The following FRMPD1 variants were observed in gnomAD, a reference collection of about 807,000 sequenced individuals.
The protein encoded by FRMPD1 is FERM and PDZ domain-containing protein 1.
FRMPD1 carries 76 observed loss-of-function variants against 117.8 expected under a neutral mutation model. The observed-to-expected ratio is 0.65, with a 90% CI of 0.54 to 0.78. The LOEUF (loss-of-function observed/expected upper bound fraction) is 0.78. FRMPD1 is among the 30% of genes least tolerant of loss of function. The probability of loss-of-function intolerance (pLI) is 0.00; values close to 1 mark genes in which losing one functional copy is unlikely to be tolerated. For missense variants in FRMPD1, 1,786 were observed against 1,964.5 expected (o/e 0.91, Z 1.72); for synonymous variants, 783 against 770.4 (o/e 1.02, Z -0.27).
rs10615941 is a variant in FRMPD1, at chr9:37,655,496, C to CTTTTT, written c.-5+4423_-5+4427dup. On this transcript the variant is annotated intron_variant, in intron 1 of 15. Coordinates refer to ENST00000377765, the MANE Select transcript of FRMPD1 (RefSeq NM_014907.3). The stretch of plus-strand genomic sequence containing the variant: ...CCCTCCTCTGCACCATGTCCCCACT[C>CTTTTT]TTTTTTTTTTTTTTTTTTTTTTTTT... 8.0e-4 allele frequency among the ~76,000 whole-genome samples: 71 copies of CTTTTT among 88,584 alleles called. 1 individual carries two copies. The highest frequency in any genetic ancestry group is 4.4e-3 in the East Asian group (9 of 2,040). 58.1% of individuals were successfully genotyped at this position (88,584 alleles called of 152,430 possible).
At chr9:37,624,581 G>A in the FRMPD1 span, among the ~76,000 whole-genome samples, 1 of 152,182 alleles carries the variant, frequency 6.6e-6, no homozygotes, top group African/African-American at 2.4e-5. Context: ...AATGAAGGGT[G>A]AGGGGACATA....
chr9:37,677,812 T>A (rs1016961500), intron 1 of FRMPD1, among the ~76,000 whole-genome samples: 13 of 152,214 alleles, frequency 8.5e-5, no homozygotes, highest in Non-Finnish European at 1.6e-4. Context: ...CCTTGCAACC[T>A]TTGCTCACAT....
intron 1 of FRMPD1, among the ~76,000 whole-genome samples, chr9:37,680,117 G>C (rs1333394741): frequency 1.3e-5 from 2 of 152,164 alleles, no homozygotes; most frequent in Non-Finnish European, 2.9e-5. Context: ...GCACAGCCTG[G>C]ATCCCTATTA....
chr9:37,647,674 C>G (rs1824167471), upstream of FRMPD1, among the ~76,000 whole-genome samples: 1 of 152,086 alleles, frequency 6.6e-6, no homozygotes, highest in South Asian at 2.1e-4. Context: ...TCAAGAAGGT[C>G]TCAAGAAGAC....
intron 1 of FRMPD1, among the ~76,000 whole-genome samples, chr9:37,690,301 G>A (rs375575071): frequency 5.9e-5 from 9 of 151,534 alleles, no homozygotes; most frequent in South Asian, 4.2e-4. Flanking sequence ...CCAAATGTTC[G>A]TTCTTATTCT....
chr9:37,733,336 A>G (rs1156689002), intron 10 of FRMPD1, 137 bp from the exon 11 acceptor site: 2 of 806,572 alleles, frequency 2.5e-6, no homozygotes, highest in South Asian at 1.7e-5. Context: ...TGAGAAAGAA[A>G]AAGAGAGGAG....
chr9:37,703,459 T>G (rs1047127278), intron 2 of FRMPD1, among the ~76,000 whole-genome samples: 4 of 152,208 alleles, frequency 2.6e-5, no homozygotes, highest in African/African-American at 9.7e-5. Flanking sequence ...TTATGCCCAT[T>G]CTTCATATAT....
At chr9:37,736,092 G>A (rs1336696754) in intron 13 of FRMPD1, among the ~76,000 whole-genome samples, 2 of 150,838 alleles carry the variant, frequency 1.3e-5, no homozygotes, top group Admixed American at 6.6e-5. Flanking sequence ...GCTCCGCCTC[G>A]TGGGTTCACA....
Position 37,746,835 on chromosome 9 carries a change from C to A in FRMPD1, c.*66C>A. On this transcript the variant is annotated 3_prime_UTR_variant, in exon 16 of 16. Transcript: ENST00000377765. ...TGGACACTTCCCTGAGAAGCCCCTT[C>A]CACTCTCCCACCCACCCTCTTCAAA... 1.0e-6 allele frequency: 1 copy of A among 1,004,598 alleles called. No individual in the cohort carries two copies. Among genetic ancestry groups the A allele is most frequent in the Non-Finnish European group, 1.5e-6 (1 of 647,098 alleles). The allele number at this position is 1,004,598 out of a possible 1,614,324, so 62.2% of individuals were successfully genotyped here.
intron 1 of FRMPD1, among the ~76,000 whole-genome samples, chr9:37,686,259 C>T (rs925340930): frequency 1.8e-4 from 27 of 152,196 alleles, no homozygotes; most frequent in Non-Finnish European, 3.4e-4. Context: ...TTATTCTGGG[C>T]GGTGGTGGTA....
chr9:37,707,046 T>C (rs1822732137), intron 2 of FRMPD1, among the ~76,000 whole-genome samples: 1 of 152,190 alleles, frequency 6.6e-6, no homozygotes, highest in Non-Finnish European at 1.5e-5. Context: ...GCTGTATAGG[T>C]ATACCCTAGA....
chr9:37,714,667 G>A (rs1162358475), intron 5 of FRMPD1, among the ~76,000 whole-genome samples: 1 of 147,612 alleles, frequency 6.8e-6, no homozygotes, highest in Non-Finnish European at 1.5e-5. Flanking sequence ...TTATTTTTGA[G>A]ATGAAGTCTT....
At chr9:37,658,093 G>A (rs1820892874) in intron 1 of FRMPD1, among the ~76,000 whole-genome samples, 1 of 152,220 alleles carries the variant, frequency 6.6e-6, no homozygotes, top group Non-Finnish European at 1.5e-5. Context: ...ACAGGGATCA[G>A]GCCCCCACAT....
At chr9:37,612,781 C>T in the FRMPD1 span, among the ~76,000 whole-genome samples, 7 of 152,244 alleles carry the variant, frequency 4.6e-5, no homozygotes, top group East Asian at 3.9e-4. Context: ...CATGAGCCAC[C>T]GTGCCCAGCC....
the FRMPD1 span, among the ~76,000 whole-genome samples, chr9:37,610,595 CT>C: frequency 3.3e-3 from 453 of 137,824 alleles, no homozygotes; most frequent in African/African-American, 7.5e-3. Flanking sequence ...CTATCACATT[CT>C]TTTTTTTTTT....
At chr9:37,679,700 G>A (rs1353200400) in intron 1 of FRMPD1, among the ~76,000 whole-genome samples, 1 of 152,212 alleles carries the variant, frequency 6.6e-6, no homozygotes, top group Non-Finnish European at 1.5e-5. Flanking sequence ...TACCTTTACA[G>A]GTAGGAAAAC....
At chr9:37,712,914 T>C (rs1490353270) in intron 5 of FRMPD1, among the ~76,000 whole-genome samples, 3 of 152,118 alleles carry the variant, frequency 2.0e-5, no homozygotes, top group Non-Finnish European at 4.4e-5. Context: ...ACAAAAGTTA[T>C]ATAAAATACA....
At chr9:37,637,204 A>G in the FRMPD1 span, 13 of 1,611,064 alleles carry the variant, frequency 8.1e-6, no homozygotes, top group African/African-American at 1.3e-5. Context: ...TGTAAGGGTC[A>G]TCAGCAAACC....
chr9:37,672,001 C>CA (rs1821367859), intron 1 of FRMPD1, among the ~76,000 whole-genome samples: 1 of 152,006 alleles, frequency 6.6e-6, no homozygotes, highest in Admixed American at 6.6e-5. Flanking sequence ...AGCAAACAAA[C>CA]AAAACAATTG....
Sources: gnomAD v4.1 joint callset for allele counts (sites outside exome capture counted in the v4.1 genomes callset) on GRCh38, gnomAD v4.1.1 for gene constraint, MANE v1.5 for transcripts, NCBI Gene and HGNC (gene_info 2026-07-23, HGNC 2026-07-21) for gene names.